CFAP54: variants seen among roughly 807,000 people sequenced by gnomAD.
CFAP54 encodes cilia and flagella associated protein 54, also known as cilia- and flagella-associated protein 54.
A neutral mutation model predicts 370.4 loss-of-function variants in CFAP54; 290 were observed. That is an observed-to-expected ratio of 0.78 (90% CI 0.71 to 0.86). CFAP54 has a LOEUF of 0.86. CFAP54 is among the 40% of genes least tolerant of loss of function. The pLI, the probability that CFAP54 is intolerant of heterozygous loss-of-function variation, is 0.00. For missense variants in CFAP54, 3,399 were observed against 3,528.7 expected (o/e 0.96, Z 0.93); for synonymous variants, 1,206 against 1,236.5 (o/e 0.98, Z 0.52).
chr12:96,605,609 A>G (rs1005007013), intron 26 of CFAP54, among the ~76,000 whole-genome samples: 7 of 152,024 alleles, frequency 4.6e-5, no homozygotes, highest in Admixed American at 6.6e-5. Context: ...TTTTTGTTTC[A>G]TTCCTTCATT....
chr12:96,711,685 G>C (rs1317443045), intron 48 of CFAP54, among the ~76,000 whole-genome samples: 1 of 152,180 alleles, frequency 6.6e-6, no homozygotes, highest in African/African-American at 2.4e-5. Context: ...ATCATTTGCT[G>C]TATGACCTTA....
At chr12:96,554,347 T>G (rs1340176316) in intron 16 of CFAP54, 37 bp downstream of exon 16, 4 of 1,469,030 alleles carry the variant, frequency 2.7e-6, no homozygotes, top group Non-Finnish European at 3.6e-6. Flanking sequence ...ATTGAAGTTT[T>G]ACTTAACTGG....
intron 36 of CFAP54, among the ~76,000 whole-genome samples, chr12:96,656,643 A>C (rs1245095252): frequency 6.6e-6 from 1 of 152,256 alleles, no homozygotes; most frequent in Non-Finnish European, 1.5e-5. Flanking sequence ...GGCCTCCCGA[A>C]ATGCTGGGAT....
chr12:96,558,067 G>A (rs1253818147), intron 17 of CFAP54, among the ~76,000 whole-genome samples: 1 of 152,066 alleles, frequency 6.6e-6, no homozygotes, highest in East Asian at 1.9e-4. Flanking sequence ...AGATGGCGTA[G>A]GAAGGAAAAG....
chr12:96,625,634 AG>A (rs1956542000), intron 28 of CFAP54, 83 bp from the exon 29 acceptor site: 1 of 749,418 alleles, frequency 1.3e-6, no homozygotes, highest in Non-Finnish European at 2.1e-6. Context: ...TCTCTTTTAA[AG>A]AATTGTTATT....
chr12:96,789,416 C>T (rs965920953), intron 62 of CFAP54, among the ~76,000 whole-genome samples: 2 of 152,178 alleles, frequency 1.3e-5, no homozygotes, highest in Non-Finnish European at 2.9e-5. Context: ...TTCACCCCTC[C>T]TGGGAACTGA....
intron 4 of CFAP54, among the ~76,000 whole-genome samples, chr12:96,510,979 A>G (rs74963341): frequency 6.6e-6 from 1 of 151,754 alleles, no homozygotes; most frequent in Admixed American, 6.6e-5. Flanking sequence ...AAAAAAAAAA[A>G]AAGAAATGAA....
intron 66 of CFAP54, among the ~76,000 whole-genome samples, chr12:96,837,590 A>T (rs138055317): frequency 1.3e-5 from 2 of 152,324 alleles, no homozygotes; most frequent in East Asian, 3.9e-4. Context: ...TATTCTCAGT[A>T]CTTTGCCCAG....
rs1264566430 is a variant in CFAP54, at chr12:96,547,929, A to C, written c.2105A>C (p.Lys702Thr). ...LDVPLREGTN[K>T]FPGAPKGITE... ...GTACCTTTAAGAGAAGGGACTAACA[A>C]ATTCCCTGGAGCTCCAAAAGGGATC... The change falls in exon 15 of 68, where the codon AAA becomes ACA. Residue 702 changes from lysine (K) to threonine (T), a missense_variant. Transcript: ENST00000524981. 1.3e-6 allele frequency: 2 copies of C among 1,506,104 alleles called. No homozygotes were observed. The highest frequency in any genetic ancestry group is 1.8e-6 in the Non-Finnish European group (2 of 1,128,070). The allele number at this position is 1,506,104 out of a possible 1,614,324, so 93.3% of individuals were successfully genotyped here.
intron 26 of CFAP54, among the ~76,000 whole-genome samples, chr12:96,620,221 G>C (rs374764226): frequency 6.6e-6 from 1 of 152,086 alleles, no homozygotes; most frequent in African/African-American, 2.4e-5. Context: ...AGTAACAGTT[G>C]TTATTTATTG....
chr12:96,859,867 A>T (rs962896677), intron 66 of CFAP54, among the ~76,000 whole-genome samples: 38 of 152,244 alleles, frequency 2.5e-4, no homozygotes, highest in Admixed American at 2.0e-4. Context: ...ATACTCTCCA[A>T]TCTGGAAACA....
intron 4 of CFAP54, among the ~76,000 whole-genome samples, chr12:96,512,503 C>T (rs551668193): frequency 1.3e-4 from 19 of 151,652 alleles, no homozygotes; most frequent in Middle Eastern, 3.4e-3. Context: ...CCACCACGCC[C>T]GGCTAATTTT....
intron 46 of CFAP54, among the ~76,000 whole-genome samples, chr12:96,703,966 G>A (rs1421582967): frequency 2.6e-5 from 4 of 152,098 alleles, no homozygotes; most frequent in Non-Finnish European, 4.4e-5. Flanking sequence ...GATAATGATG[G>A]GGAAGTGGCT....
intron 17 of CFAP54, among the ~76,000 whole-genome samples, chr12:96,561,878 T>G (rs1955820538): frequency 6.8e-6 from 1 of 147,424 alleles, no homozygotes; most frequent in Non-Finnish European, 1.5e-5. Context: ...CTCGGCCTCC[T>G]GGGTTCAAGC....
rs190604793 is a variant in CFAP54 at position 96,554,677 on chromosome 12, G to T, written c.2285G>T (p.Arg762Leu). Residue 762 changes from arginine to leucine, a missense_variant and splice_region_variant, in exon 17 of 68, where the codon CGT becomes CTT. By Grantham distance (102) the Arg-to-Leu change is moderately radical. Around this residue, in one of 3 missense-constraint regions of CFAP54, gnomAD observed 2,796 missense variants for 2,869.7 expected, o/e 0.97. Transcript: ENST00000524981. ...SSVIDHCYAKRTHHIDGDTYK... is the reference protein window; with the variant it reads ...SSVIDHCYAKLTHHIDGDTYK... ...TATTTCAACTCTGTTGGACCAAAGC[G>T]TACCCACCATATAGATGGAGATACT... The T allele has an allele frequency of 6.5e-7, 1 of 1,530,358 alleles. No individual in the cohort carries two copies. Among genetic ancestry groups the T allele is most frequent in the Non-Finnish European group, 8.7e-7 (1 of 1,143,574 alleles). The allele number at this position is 1,530,358 out of a possible 1,614,324, so 94.8% of individuals were successfully genotyped here. A position where few individuals can be genotyped will look rare whatever the true frequency, so the allele number is the denominator to read the frequency against.
intron 24 of CFAP54, among the ~76,000 whole-genome samples, chr12:96,593,683 C>T: frequency 6.7e-6 from 1 of 149,994 alleles, no homozygotes; most frequent in East Asian, 1.9e-4. Flanking sequence ...TATACATAAT[C>T]TTGAATATAT....
intron 58 of CFAP54, among the ~76,000 whole-genome samples, chr12:96,763,660 T>C (rs1351232863): frequency 6.6e-6 from 1 of 152,116 alleles, no homozygotes; most frequent in African/African-American, 2.4e-5. Flanking sequence ...ATGCCTGTAG[T>C]CCCAGCTACT....
At position 96,785,874 on chromosome 12, in the gene CFAP54, C is replaced by G. The variant is rs576926895; in HGVS notation, c.8456-801C>G. On this transcript the variant is annotated intron_variant, in intron 61 of 67. Coordinates refer to ENST00000524981, the MANE Select transcript of CFAP54 (RefSeq NM_001306084.2). ...GGTAGGGAGCTCCTAGATAAACATACCAGCTTCTCAGTCTCTCGACGGGAC... is the reference window on the plus strand; with the variant it reads ...GGTAGGGAGCTCCTAGATAAACATAGCAGCTTCTCAGTCTCTCGACGGGAC... Among the ~76,000 whole-genome samples the G allele has an allele frequency of 3.9e-5, 6 of 152,312 alleles. No individual in the cohort carries two copies. The East Asian group carries it at 9.6e-4, about 24-fold the overall frequency.
At chr12:96,566,033 CT>C (rs1342263471) in intron 19 of CFAP54, among the ~76,000 whole-genome samples, 1 of 152,206 alleles carries the variant, frequency 6.6e-6, no homozygotes, top group East Asian at 1.9e-4. Context: ...CTCTCTCCTG[CT>C]GACATGTGAA....
Sources: allele counts gnomAD v4.1 joint callset (sites outside exome capture counted in the v4.1 genomes callset), GRCh38; gene constraint gnomAD v4.1.1; regional missense constraint gnomAD v4.1.1; transcripts MANE v1.5; gene names NCBI Gene and HGNC (gene_info 2026-07-23, HGNC 2026-07-21).